Variants in CHODL observed in about 807,000 individuals in gnomAD.
The protein encoded by CHODL is chondrolectin, also known as transmembrane protein MT75.
In CHODL, 29 loss-of-function variants were observed where a neutral mutation model predicts 34.5. The observed-to-expected ratio is 0.84, with a 90% confidence interval of 0.63 to 1.15. CHODL has a LOEUF of 1.15. CHODL is among the 50% of genes most tolerant of loss of function. The pLI, the probability that CHODL is intolerant of heterozygous loss-of-function variation, is 0.00. For missense variants in CHODL, 332 were observed against 332.5 expected, an observed-to-expected ratio of 1.00 and a Z score of 0.01; for synonymous variants, 125 against 116.1, an observed-to-expected ratio of 1.08 and a Z score of -0.49.
chr21:18,080,028 T>C lies in CHODL; in HGVS notation c.-45+52057T>C, dbSNP rs376474658. Among the ~76,000 whole-genome samples the C allele has an allele frequency of 1.3e-3, 200 of 152,228 alleles. 2 individuals are homozygous for C. The highest frequency in any genetic ancestry group is 4.6e-3 in the African/African-American group (190 of 41,564). ...TTTCTGACTTTTTAATGACAGCCAT[T>C]CTGACCGGTCTAAGATGGTATCTCT... On this transcript the variant is annotated intron_variant, in intron 2 of 6. Transcript: ENST00000400127.
In CHODL at chr21:18,171,728, T is replaced by C. The variant is rs555845414; in HGVS notation, c.-44-84781T>C. Among the ~76,000 whole-genome samples the C allele has an allele frequency of 9.8e-4, 114 of 116,506 alleles. 1 individual carries two copies. The highest frequency in any genetic ancestry group is 3.7e-3 in the African/African-American group (107 of 29,272). 76.4% of individuals were successfully genotyped at this position (116,506 alleles called of 152,430 possible). ...AAAATTAGATACTTCTCCCCCATAT[T>C]CTCTTCAGTTTTTTTTTTTTTCTTT... On this transcript the variant is annotated intron_variant, in intron 2 of 6. Transcript: ENST00000400127.
At chr21:18,090,392 A>G (rs1214560490) in intron 2 of CHODL, among the ~76,000 whole-genome samples, 2 of 152,176 alleles carry the variant, frequency 1.3e-5, no homozygotes, top group Non-Finnish European at 2.9e-5. Context: ...CCAGGGTGCT[A>G]AAAACATTAG....
At chr21:18,182,280 C>A (rs546850500) in intron 2 of CHODL, among the ~76,000 whole-genome samples, 1 of 152,268 alleles carries the variant, frequency 6.6e-6, no homozygotes, top group African/African-American at 2.4e-5. Context: ...TTAAGATGAT[C>A]ATCCATGGCT....
chr21:17,976,449 A>G (rs762230865), intron 1 of CHODL, among the ~76,000 whole-genome samples: 19 of 152,150 alleles, frequency 1.2e-4, no homozygotes, highest in Non-Finnish European at 2.1e-4. Context: ...TAATACTTAT[A>G]TTCACCATTC....
chr21:18,167,471 G>A (rs886752278), intron 2 of CHODL, among the ~76,000 whole-genome samples: 4 of 151,516 alleles, frequency 2.6e-5, no homozygotes, highest in Non-Finnish European at 5.9e-5. Flanking sequence ...CACCACGCCC[G>A]GCTAATTTTT....
intron 1 of CHODL, among the ~76,000 whole-genome samples, chr21:17,958,407 T>G (rs1366468723): frequency 1.3e-5 from 2 of 152,178 alleles, no homozygotes; most frequent in Non-Finnish European, 2.9e-5. Context: ...AGTGGAAGGT[T>G]GCTTCCTAGC....
At chr21:18,074,560 A>C (rs963113141) in intron 2 of CHODL, among the ~76,000 whole-genome samples, 1 of 152,122 alleles carries the variant, frequency 6.6e-6, no homozygotes, top group Non-Finnish European at 1.5e-5. Context: ...GTGCTTTTAA[A>C]AGTTTTCGCT....
chr21:17,978,611 G>C (rs1399364696), intron 1 of CHODL, among the ~76,000 whole-genome samples: 18 of 151,788 alleles, frequency 1.2e-4, no homozygotes, highest in Middle Eastern at 3.4e-3. Flanking sequence ...CCAGCTACTC[G>C]GGAGGCGGAG....
rs180747072 is a variant in CHODL, at chr21:17,985,703, G to T, written c.-144-42169G>T. ...GGAGAAGCTACATTCCACCATTACGGGTCAATTTTTTTGGGTTAAGGTGCT... is the reference window on the plus strand; with the variant it reads ...GGAGAAGCTACATTCCACCATTACGTGTCAATTTTTTTGGGTTAAGGTGCT... On this transcript the variant is annotated intron_variant, in intron 1 of 6. Coordinates refer to the CHODL transcript ENST00000400127. Among the ~76,000 whole-genome samples, 13 of 152,244 alleles carry T rather than the reference G, an allele frequency of 8.5e-5. No individual in the cohort carries two copies. The East Asian group carries it at 2.5e-3, about 29-fold the overall frequency.
chr21:18,201,945 C>G (rs966053189), intron 2 of CHODL, among the ~76,000 whole-genome samples: 2 of 151,854 alleles, frequency 1.3e-5, no homozygotes, highest in African/African-American at 4.8e-5. Flanking sequence ...GTTGGGACTA[C>G]AGGCGACCGC....
At chr21:18,090,273 G>C (rs759086171) in intron 2 of CHODL, among the ~76,000 whole-genome samples, 2 of 152,104 alleles carry the variant, frequency 1.3e-5, no homozygotes, top group Non-Finnish European at 2.9e-5. Context: ...AGCTGAATAG[G>C]GGTACCTAGA....
intron 2 of CHODL, among the ~76,000 whole-genome samples, chr21:18,199,544 A>C (rs979817164): frequency 1.3e-5 from 2 of 152,074 alleles, no homozygotes; most frequent in Non-Finnish European, 2.9e-5. Flanking sequence ...GTAGTTTTTG[A>C]TGAATGTATA....
At chr21:18,152,422 T>C (rs1248854540) in intron 2 of CHODL, among the ~76,000 whole-genome samples, 1 of 152,232 alleles carries the variant, frequency 6.6e-6, no homozygotes, top group Non-Finnish European at 1.5e-5. Context: ...CCTCAGGACC[T>C]CACGAGGCTC....
intron 2 of CHODL, among the ~76,000 whole-genome samples, chr21:18,028,751 C>T (rs2064214045): frequency 6.7e-6 from 1 of 149,438 alleles, no homozygotes; most frequent in Non-Finnish European, 1.5e-5. Flanking sequence ...ACTTTATCTC[C>T]AGTGGCTGGA....
chr21:18,010,180 C>A (rs180882244), intron 1 of CHODL, among the ~76,000 whole-genome samples: 1 of 143,004 alleles, frequency 7.0e-6, no homozygotes, highest in Admixed American at 7.1e-5. Flanking sequence ...CCCTGTAGTC[C>A]CAGCTACCCA....
intron 1 of CHODL, among the ~76,000 whole-genome samples, chr21:17,929,654 T>C (rs1199332503): frequency 6.6e-6 from 1 of 152,174 alleles, no homozygotes; most frequent in Non-Finnish European, 1.5e-5. Context: ...ATTTTCACAA[T>C]CCTAGCGATG....
chr21:17,970,204 T>C (rs2063603396), intron 1 of CHODL, among the ~76,000 whole-genome samples: 1 of 152,150 alleles, frequency 6.6e-6, no homozygotes, highest in Non-Finnish European at 1.5e-5. Flanking sequence ...GGGGGTTGGG[T>C]GGTGGGAGTT....
At chr21:18,240,567 T>C (rs962713009), upstream of CHODL, among the ~76,000 whole-genome samples, 2 of 152,182 alleles carry the variant, frequency 1.3e-5, no homozygotes, top group African/African-American at 4.8e-5. Flanking sequence ...CAAAGATGAC[T>C]TTAGCTTACA....
chr21:18,084,925 G>GTGTGTGTGTGTA (rs1355781297), intron 2 of CHODL, among the ~76,000 whole-genome samples: 123 of 65,800 alleles, frequency 1.9e-3, no homozygotes, highest in African/African-American at 5.6e-3. Flanking sequence ...GTAATAGTGT[G>GTGTGTGTGTGTA]TGTGTGTGTG....
Sources: allele counts gnomAD v4.1 joint callset (sites outside exome capture counted in the v4.1 genomes callset), GRCh38; gene constraint gnomAD v4.1.1; transcripts MANE v1.5; gene names NCBI Gene and HGNC (gene_info 2026-07-23, HGNC 2026-07-21).